The following PROC variants were observed in gnomAD, a reference collection of about 807,000 sequenced individuals.
PROC encodes the protein vitamin K-dependent protein C.
Under a neutral mutation model 36.3 loss-of-function variants are expected in PROC, and 22 were observed. The ratio of observed to expected loss-of-function variants is 0.61; its 90% confidence interval spans 0.43 to 0.86. The LOEUF (loss-of-function observed/expected upper bound fraction) is 0.86. PROC is among the 40% of genes least tolerant of loss of function. The probability of loss-of-function intolerance (pLI) is 0.00; values close to 1 mark genes in which losing one functional copy is unlikely to be tolerated. For synonymous variants in PROC, 218 were observed against 244.5 expected, an observed-to-expected ratio of 0.89 and a Z score of 1.01; for missense variants, 526 against 629.7, an observed-to-expected ratio of 0.84 and a Z score of 1.76.
chr2:127,426,295 T>A lies in PROC; in HGVS notation c.678+68T>A. 6.2e-7 allele frequency: 1 copy of A among 1,605,462 alleles called. No individual in the cohort carries two copies. Among genetic ancestry groups the A allele is most frequent in the East Asian group, 2.2e-5 (1 of 44,804 alleles). On this transcript the variant is annotated intron_variant, in intron 7 of 8. Transcript: ENST00000234071. The surrounding 1 kb of genome is among the most constrained non-coding windows in gnomAD (Gnocchi z 7.0). ...GGATCACTGAGTCCATCCTGGCAGC[T>A]ATGCTCAGGGTGCAGAAACCGAGAG...
chr2:127,424,165 CTT>C (rs908029694), intron 6 of PROC, among the ~76,000 whole-genome samples: 4 of 152,042 alleles, frequency 2.6e-5, no homozygotes, highest in Admixed American at 1.3e-4. Flanking sequence ...TTTCCCATCT[CTT>C]TGACTTTGTG....
chr2:127,420,031 T>C lies in PROC; in HGVS notation c.70+19T>C, dbSNP rs1687994139. 3 of 1,612,090 alleles carry C rather than the reference T, an allele frequency of 1.9e-6. No homozygotes were observed. The highest frequency in any genetic ancestry group is 4.5e-5 in the East Asian group (2 of 44,868). On this transcript the variant is annotated intron_variant, in intron 2 of 8. Coordinates refer to ENST00000234071, the MANE Select transcript of PROC (RefSeq NM_000312.4). ...CCTCTTGGTAAGGCCACCCCACCCC[T>C]ACCCCGGGACCCTTGTGGCCTCTAC...
At position 127,426,732 on chromosome 2, in the gene PROC, G is replaced by A. The variant is rs538991180; in HGVS notation, c.679-373G>A. ...AGCCCAGTGGGACCACAGCCAGGAC[G>A]GCCCTTCAAGATAGGGGCTGAGGGA... On this transcript the variant is annotated intron_variant, in intron 7 of 8. Coordinates refer to ENST00000234071, the MANE Select transcript of PROC (RefSeq NM_000312.4). The surrounding 1 kb of genome is among the most constrained non-coding windows in gnomAD (Gnocchi z 7.0). Among the ~76,000 whole-genome samples the A allele has an allele frequency of 7.2e-5, 11 of 152,280 alleles. No homozygotes were observed. The highest frequency in any genetic ancestry group is 1.9e-4 in the African/African-American group (8 of 41,562).
At chr2:127,427,321 A>C in intron 8 of PROC, 99 bp downstream of exon 8, 1 of 1,054,030 alleles carries the variant, frequency 9.5e-7, no homozygotes, top group South Asian at 1.3e-5. Context: ...CCAGGTGCTT[A>C]AGCAAGAGGC....
rs758788677 is a variant in PROC at position 127,428,777 on chromosome 2, T to A, written c.1217T>A (p.Met406Lys). The part of the protein sequence containing the change: ...DACEGDSGGP[M>K]VASFHGTWFL... ...TGCGAGGGCGACAGTGGGGGGCCCA[T>A]GGTCGCCTCCTTCCACGGCACCTGG... Residue 406 changes from methionine to lysine, a missense_variant, in exon 9 of 9, where the codon ATG becomes AAG. By Grantham distance (95) the Met-to-Lys change is moderately conservative. Coordinates refer to ENST00000234071, the MANE Select transcript of PROC (RefSeq NM_000312.4). 1 of 1,612,318 alleles carries A rather than the reference T, an allele frequency of 6.2e-7. No individual in the cohort carries two copies. The highest frequency in any genetic ancestry group is 1.3e-5 in the African/African-American group (1 of 74,928).
At chr2:127,423,709 C>A in intron 6 of PROC, 1 of 428,354 alleles carries the variant, frequency 2.3e-6, no homozygotes, top group Non-Finnish European at 4.2e-6. Context: ...AGTGGTGGCT[C>A]CGCTCCCCAG....
At chr2:127,427,436 C>T (rs538119030) in intron 8 of PROC, among the ~76,000 whole-genome samples, 1 of 152,148 alleles carries the variant, frequency 6.6e-6, no homozygotes, top group East Asian at 1.9e-4. Flanking sequence ...CTCTGGTGCC[C>T]TCTTCGAATC....
At chr2:127,425,776 C>T (rs1299607145) in intron 6 of PROC, among the ~76,000 whole-genome samples, 1 of 151,794 alleles carries the variant, frequency 6.6e-6, no homozygotes, top group Non-Finnish European at 1.5e-5. Context: ...CAGGGATTAC[C>T]CCCAACAGCC....
In PROC at chr2:127,423,408, G is replaced by A. The variant is rs1160248128; in HGVS notation, c.535G>A (p.Val179Met). The A allele has an allele frequency of 6.5e-7, 1 of 1,549,778 alleles. No individual in the cohort carries two copies. The highest frequency in any genetic ancestry group is 8.7e-7 in the Non-Finnish European group (1 of 1,146,932). ...GDDLLQCHPAVKFPCGRPWKR... is the reference protein window; with the variant it reads ...GDDLLQCHPAMKFPCGRPWKR... ...CGACCTCCTGCAGTGTCACCCCGCA[G>A]GTGAGAAGCCCCCAATACATCGCCC... Residue 179 changes from valine to methionine, a missense_variant and splice_region_variant, in exon 6 of 9, where the codon GTG becomes ATG. Transcript: ENST00000234071.
intron 6 of PROC, 116 bp downstream of exon 6, chr2:127,423,524 A>G (rs1366714794): frequency 7.3e-7 from 1 of 1,364,714 alleles, no homozygotes; most frequent in South Asian, 1.5e-5. Flanking sequence ...AGCGAGGAAC[A>G]GAGTTGAGCC....
Position 127,429,056 on chromosome 2 carries a change from T to C in PROC, c.*110T>C. ...CTGTCCTTCCATCCCTCTTTTGGGCTCTTCTGGAGGGAAGTAACATTTACT... is the reference window on the plus strand; with the variant it reads ...CTGTCCTTCCATCCCTCTTTTGGGCCCTTCTGGAGGGAAGTAACATTTACT... On this transcript the variant is annotated 3_prime_UTR_variant, in exon 9 of 9. Coordinates refer to ENST00000234071, the MANE Select transcript of PROC (RefSeq NM_000312.4). 1 of 1,255,906 alleles carries C rather than the reference T, an allele frequency of 8.0e-7. No homozygotes were observed. The highest frequency in any genetic ancestry group is 1.1e-6 in the Non-Finnish European group (1 of 873,730). 77.8% of individuals were successfully genotyped at this position (1,255,906 alleles called of 1,614,324 possible). A position where few individuals can be genotyped will look rare whatever the true frequency, so the allele number is the denominator to read the frequency against.
chr2:127,423,429 C>A, intron 6 of PROC, 21 bp downstream of exon 6: 1 of 1,544,884 alleles, frequency 6.5e-7, no homozygotes, highest in Non-Finnish European at 8.7e-7. Flanking sequence ...CCCAATACAT[C>A]GCCCAGGAAT....
chr2:127,419,344 G>GCAGCTCT (rs1192720124), intron 1 of PROC, among the ~76,000 whole-genome samples: 1 of 152,160 alleles, frequency 6.6e-6, no homozygotes. Flanking sequence ...TGAGCTATGT[G>GCAGCTCT]CAAAGCCTGT....
rs1189092015 is a variant in PROC, at chr2:127,423,262, C to T, written c.401-12C>T. The T allele has an allele frequency of 1.3e-6, 2 of 1,544,894 alleles. No homozygotes were observed. Among genetic ancestry groups the T allele is most frequent in the Admixed American group, 3.9e-5 (2 of 50,750 alleles). ...ACCAGCACCAGCTGCCCGCGCCCTC[C>T]CCTGCCCGCAGAGGTGAGCTTCCTC... On this transcript the variant is annotated splice_polypyrimidine_tract_variant and intron_variant, in intron 5 of 8. Coordinates refer to ENST00000234071, the MANE Select transcript of PROC (RefSeq NM_000312.4).
chr2:127,421,235 C>G (rs1362514737), intron 2 of PROC, 48 bp from the exon 3 acceptor site: 3 of 1,607,860 alleles, frequency 1.9e-6, no homozygotes, highest in Non-Finnish European at 2.6e-6. Flanking sequence ...GCCCCAGCCC[C>G]TCTTAGGCCC....
intron 2 of PROC, 145 bp downstream of exon 2, chr2:127,420,157 C>A: frequency 9.5e-7 from 1 of 1,049,250 alleles, no homozygotes; most frequent in Non-Finnish European, 1.4e-6. Context: ...AATCAACTGA[C>A]AAGTCCCAGG....
At chr2:127,419,324 T>G (rs1687952799) in intron 1 of PROC, among the ~76,000 whole-genome samples, 1 of 152,224 alleles carries the variant, frequency 6.6e-6, no homozygotes, top group Admixed American at 6.5e-5. Context: ...TATCTCATGT[T>G]TACTGAGCAT....
At chr2:127,423,785 G>C (rs1264809087) in intron 6 of PROC, among the ~76,000 whole-genome samples, 1 of 152,274 alleles carries the variant, frequency 6.6e-6, no homozygotes, top group East Asian at 1.9e-4. Context: ...GTTTTTCTCT[G>C]ACGTTGTCCG....
rs1399173984 is a variant in PROC at position 127,426,877 on chromosome 2, G to A, written c.679-228G>A. 6.6e-6 allele frequency among the ~76,000 whole-genome samples: 1 copy of A among 152,230 alleles called. No homozygotes were observed. The highest frequency in any genetic ancestry group is 1.5e-5 in the Non-Finnish European group (1 of 68,040). On this transcript the variant is annotated intron_variant, in intron 7 of 8. Transcript: ENST00000234071. This position sits in a 1 kb window ranked among gnomAD's most constrained non-coding sequence, Gnocchi z 7.0. ...TGGGCGATGTTGGGTGTGGCTGAGGGTGACTGAAACAGTATGAACAGTGCA... is the reference window on the plus strand; with the variant it reads ...TGGGCGATGTTGGGTGTGGCTGAGGATGACTGAAACAGTATGAACAGTGCA...
Sources: gnomAD v4.1 joint callset for allele counts (sites outside exome capture counted in the v4.1 genomes callset) on GRCh38, gnomAD v4.1.1 for gene constraint, Gnocchi (gnomAD v3.1) non-coding constraint, MANE v1.5 for transcripts, NCBI Gene and HGNC (gene_info 2026-07-23, HGNC 2026-07-21) for gene names.